The following SPINK2 variants were observed in gnomAD, a reference collection of about 807,000 sequenced individuals.
The protein encoded by SPINK2 is serine protease inhibitor Kazal-type 2.
SPINK2 carries 8 observed loss-of-function variants against 13.5 expected under a neutral mutation model. The ratio of observed to expected loss-of-function variants is 0.59; its 90% CI spans 0.35 to 1.07. SPINK2 has a LOEUF of 1.07. SPINK2 is among the 50% of genes least tolerant of loss of function. SPINK2 has a pLI of 0.02. For missense variants in SPINK2, 148 were observed against 180.3 expected, an observed-to-expected ratio of 0.82 and a Z score of 1.03; for synonymous variants, 76 against 74.7, an observed-to-expected ratio of 1.02 and a Z score of -0.09.
intron 2 of SPINK2, among the ~76,000 whole-genome samples, chr4:56,817,903 G>A (rs915739694): frequency 2.0e-5 from 3 of 151,910 alleles, no homozygotes; most frequent in South Asian, 2.1e-4. Context: ...GATAAACTAT[G>A]AGAAAGCACC....
chr4:56,811,812 A>G lies in SPINK2; in HGVS notation c.250-18T>C, dbSNP rs745675863. 6.6e-7 allele frequency: 1 copy of G among 1,519,326 alleles called. No individual in the cohort carries two copies. The highest frequency in any genetic ancestry group is 9.1e-7 in the Non-Finnish European group (1 of 1,099,984). 94.1% of individuals were successfully genotyped at this position (1,519,326 alleles called of 1,614,324 possible). Reference sequence around the variant, plus strand: ...CAGTTTGGCTGGAAAAAAGAAAGAGAGAAATTCGAGAATGACTTGAGACAC... The same window carrying G: ...CAGTTTGGCTGGAAAAAAGAAAGAGGGAAATTCGAGAATGACTTGAGACAC... On this transcript the variant is annotated intron_variant, in intron 2 of 3. Coordinates refer to ENST00000506738, the MANE Select transcript of SPINK2 (RefSeq NM_001271718.2).
chr4:56,810,069 G>A lies in SPINK2; in HGVS notation c.*70C>T. On this transcript the variant is annotated 3_prime_UTR_variant, in exon 4 of 4. Transcript: ENST00000506738. ...AAAGAAACACAGGAAAAGAGAAAAA[G>A]GGGAAATGCAATTTATCTAGTCTGC... 1 of 1,544,318 alleles carries A rather than the reference G, an allele frequency of 6.5e-7. No homozygotes were observed. The highest frequency in any genetic ancestry group is 8.7e-7 in the Non-Finnish European group (1 of 1,146,762).
intron 2 of SPINK2, among the ~76,000 whole-genome samples, chr4:56,815,219 T>C (rs957186275): frequency 6.6e-6 from 1 of 151,910 alleles, no homozygotes; most frequent in African/African-American, 2.4e-5. Context: ...AAGGCATCCA[T>C]GAATAACCTA....
chr4:56,817,194 T>A (rs1717527359), intron 2 of SPINK2, among the ~76,000 whole-genome samples: 1 of 152,030 alleles, frequency 6.6e-6, no homozygotes, highest in Non-Finnish European at 1.5e-5. Flanking sequence ...AGAGCGAGAC[T>A]CCATCTCAAA....
At chr4:56,813,810 G>C (rs980877096) in intron 2 of SPINK2, among the ~76,000 whole-genome samples, 1 of 151,624 alleles carries the variant, frequency 6.6e-6, no homozygotes, top group East Asian at 1.9e-4. Flanking sequence ...GTAGAAACAG[G>C]GTTTCACCAT....
chr4:56,814,352 C>T (rs1342170888), intron 2 of SPINK2, among the ~76,000 whole-genome samples: 2 of 151,882 alleles, frequency 1.3e-5, no homozygotes, highest in African/African-American at 4.8e-5. Context: ...GGCTGGGGAC[C>T]GCTGCTCTAA....
chr4:56,817,572 C>T (rs953092676), intron 2 of SPINK2, among the ~76,000 whole-genome samples: 6 of 152,084 alleles, frequency 3.9e-5, no homozygotes, highest in East Asian at 1.9e-4. Context: ...GTAATCAGGC[C>T]GGGTGCGGTG....
At chr4:56,812,053 A>G (rs1232775810) in intron 2 of SPINK2, among the ~76,000 whole-genome samples, 1 of 146,450 alleles carries the variant, frequency 6.8e-6, no homozygotes, top group Non-Finnish European at 1.5e-5. Flanking sequence ...GCACGCCTCC[A>G]TGCCGCTAAT....
chr4:56,815,228 T>G (rs1450388653), intron 2 of SPINK2, among the ~76,000 whole-genome samples: 1 of 151,674 alleles, frequency 6.6e-6, no homozygotes, highest in East Asian at 2.0e-4. Flanking sequence ...ATGAATAACC[T>G]AAGCAAACAT....
At chr4:56,811,346 C>T (rs1239072085) in intron 3 of SPINK2, among the ~76,000 whole-genome samples, 3 of 152,118 alleles carry the variant, frequency 2.0e-5, no homozygotes, top group African/African-American at 4.8e-5. Flanking sequence ...AGGTCAGGCG[C>T]GGTGGCTCAC....
chr4:56,817,794 C>T (rs1717579411), intron 2 of SPINK2, among the ~76,000 whole-genome samples: 1 of 150,384 alleles, frequency 6.6e-6, no homozygotes, highest in African/African-American at 2.5e-5. Flanking sequence ...ATGGAGGTTG[C>T]AGTGAGCCAA....
At chr4:56,813,300 A>G (rs1438740614) in intron 2 of SPINK2, among the ~76,000 whole-genome samples, 1 of 152,154 alleles carries the variant, frequency 6.6e-6, no homozygotes, top group Non-Finnish European at 1.5e-5. Flanking sequence ...TCCCGCCTAG[A>G]CAACAACAGC....
chr4:56,817,755 G>A (rs1179071715), intron 2 of SPINK2, among the ~76,000 whole-genome samples: 1 of 151,982 alleles, frequency 6.6e-6, no homozygotes, highest in East Asian at 1.9e-4. Context: ...TTGGGAGGCT[G>A]AGGCAGGAGA....
At chr4:56,816,926 C>A (rs1717503061) in intron 2 of SPINK2, among the ~76,000 whole-genome samples, 1 of 151,460 alleles carries the variant, frequency 6.6e-6, no homozygotes, top group African/African-American at 2.4e-5. Flanking sequence ...CTAGAAAGAC[C>A]AGGTGCGGTG....
chr4:56,812,148 C>A (rs751591146), intron 2 of SPINK2, among the ~76,000 whole-genome samples: 1 of 150,276 alleles, frequency 6.7e-6, no homozygotes, highest in Non-Finnish European at 1.5e-5. Flanking sequence ...CCCGCCTTGG[C>A]CTCCCAAAGT....
In SPINK2 at chr4:56,809,920, T is replaced by C. The variant is rs1578421849; in HGVS notation, c.*219A>G. The C allele has an allele frequency of 1.6e-6, 2 of 1,286,416 alleles. No homozygotes were observed. Among genetic ancestry groups the C allele is most frequent in the East Asian group, 2.7e-5 (1 of 36,958 alleles). 79.7% of individuals were successfully genotyped at this position (1,286,416 alleles called of 1,614,324 possible). A position where few individuals can be genotyped will look rare whatever the true frequency, so the allele number is the denominator to read the frequency against. On this transcript the variant is annotated 3_prime_UTR_variant, in exon 4 of 4. Coordinates refer to ENST00000506738, the MANE Select transcript of SPINK2 (RefSeq NM_001271718.2). ...AGCAATGCACAAGTCACCTGGGCAG[T>C]AAGCTTAACTCCAGGAGCAAAAGCC...
chr4:56,815,066 C>A (rs1456844762), intron 2 of SPINK2, among the ~76,000 whole-genome samples: 7 of 151,066 alleles, frequency 4.6e-5, no homozygotes, highest in African/African-American at 1.7e-4. Flanking sequence ...GCCTAGGGGA[C>A]AAGGGTGAAA....
rs771652952 is a variant in SPINK2, at chr4:56,809,874, G to A, written c.*265C>T. 1.3e-6 allele frequency: 1 copy of A among 797,980 alleles called. No individual in the cohort carries two copies. Among genetic ancestry groups the A allele is most frequent in the Non-Finnish European group, 1.9e-6 (1 of 536,590 alleles). 49.4% of individuals were successfully genotyped at this position (797,980 alleles called of 1,614,324 possible). ...AACAGTAGGAACTGAATTCAATGCT[G>A]ATTTTATTTCAACTAAATAAAGCAA... On this transcript the variant is annotated 3_prime_UTR_variant, in exon 4 of 4. Coordinates refer to ENST00000506738, the MANE Select transcript of SPINK2 (RefSeq NM_001271718.2).
At chr4:56,819,557 G>A (rs954453628) in intron 2 of SPINK2, among the ~76,000 whole-genome samples, 1 of 151,964 alleles carries the variant, frequency 6.6e-6, no homozygotes, top group African/African-American at 2.4e-5. Flanking sequence ...TGACAGTCCA[G>A]GAAGCAAAAC....
Sources: allele counts gnomAD v4.1 joint callset (sites outside exome capture counted in the v4.1 genomes callset), GRCh38; gene constraint gnomAD v4.1.1; transcripts MANE v1.5; gene names NCBI Gene and HGNC (gene_info 2026-07-23, HGNC 2026-07-21).